Variants in RBM33 observed in about 807,000 individuals in gnomAD.
RBM33 encodes the protein RNA binding motif protein 33.
Under a neutral mutation model 132.6 loss-of-function variants are expected in RBM33, and 28 were observed. The observed-to-expected ratio is 0.21, with a 90% confidence interval of 0.16 to 0.29. RBM33 has a LOEUF of 0.29. Among genes scored for constraint, RBM33 ranks in the 10% least tolerant of loss-of-function variants. RBM33 has a pLI of 1.00. For synonymous variants in RBM33, 634 were observed against 593.0 expected, an observed-to-expected ratio of 1.07 and a Z score of -1.01; for missense variants, 1,291 against 1,518.5, an observed-to-expected ratio of 0.85 and a Z score of 2.49.
intron 13 of RBM33, among the ~76,000 whole-genome samples, chr7:155,743,060 T>A (rs1801401321): frequency 6.6e-6 from 1 of 152,240 alleles, no homozygotes; most frequent in African/African-American, 2.4e-5. Flanking sequence ...AGTTCATTTT[T>A]TTCAGTTAGA....
chr7:155,752,080 CT>C (rs1801703216), intron 14 of RBM33, among the ~76,000 whole-genome samples: 1 of 152,224 alleles, frequency 6.6e-6, no homozygotes, highest in Non-Finnish European at 1.5e-5. Flanking sequence ...GTGAGAGCCC[CT>C]TTAAACTGGT....
At chr7:155,681,628 A>C (rs937532127) in intron 5 of RBM33, among the ~76,000 whole-genome samples, 3 of 152,142 alleles carry the variant, frequency 2.0e-5, no homozygotes, top group Non-Finnish European at 4.4e-5. Context: ...TGATCTCAGT[A>C]GCTGTAGTAG....
chr7:155,644,875 C>G lies in RBM33; in HGVS notation c.-2C>G. The stretch of plus-strand genomic sequence containing the variant: ...GGCTGAAGGCCGGGCCCCGCGAGTG[C>G]CATGGCGGCCGCCCTGGGAGCGAGC... On this transcript the variant is annotated 5_prime_UTR_variant, in exon 1 of 18. Transcript: ENST00000401878. 6.7e-7 allele frequency: 1 copy of G among 1,492,910 alleles called. No individual in the cohort carries two copies. Among genetic ancestry groups the G allele is most frequent in the Middle Eastern group, 2.2e-4 (1 of 4,500 alleles). The allele number at this position is 1,492,910 out of a possible 1,614,324, so 92.5% of individuals were successfully genotyped here. A position where few individuals can be genotyped will look rare whatever the true frequency, so the allele number is the denominator to read the frequency against.
intron 7 of RBM33, 25 bp from the exon 8 acceptor site, chr7:155,711,178 T>C: frequency 6.7e-7 from 1 of 1,481,894 alleles, no homozygotes; most frequent in South Asian, 1.4e-5. Flanking sequence ...TGTAGACTCA[T>C]TCTCCAAGGT....
In RBM33 at chr7:155,680,758, T is replaced by C; in HGVS notation, c.417T>C (p.Thr139=). 6.2e-7 allele frequency: 1 copy of C among 1,613,698 alleles called. No homozygotes were observed. The highest frequency in any genetic ancestry group is 1.1e-5 in the South Asian group (1 of 91,036). ...YHKSDGSELY[T]QEYPEEGQYE... is the part of the protein sequence containing the mutation. The stretch of plus-strand genomic sequence containing the variant: ...AATCTGATGGATCAGAATTGTATAC[T>C]CAAGAGTACCCAGAAGAAGGACAGT... Residue 139 remains threonine (T), a synonymous_variant, in exon 5 of 18, where the codon ACT becomes ACC. Transcript: ENST00000401878.
chr7:155,766,708 A>T, intron 16 of RBM33, 53 bp downstream of exon 16: 20 of 1,537,694 alleles, frequency 1.3e-5, no homozygotes, highest in Non-Finnish European at 1.8e-5. Flanking sequence ...CCCAAGACAA[A>T]ATCATTTCTT....
rs1333047854 is a variant in RBM33 at position 155,745,070 on chromosome 7, C to T, written c.2447C>T (p.Ala816Val). Residue 816 changes from alanine to valine, a missense_variant, in exon 14 of 18, where the codon GCT becomes GTT. Around this residue, in one of 7 missense-constraint regions of RBM33, gnomAD observed 841 missense variants for 912.0 expected, o/e 0.92. Coordinates refer to ENST00000401878, the MANE Select transcript of RBM33 (RefSeq NM_053043.3). The surrounding 1 kb of genome is among the most constrained non-coding windows in gnomAD (Gnocchi z 4.1). ...KQKELRRQQQAGARKKELLER... is the reference protein window; with the variant it reads ...KQKELRRQQQVGARKKELLER... ...AAGGAGTTACGGCGGCAGCAGCAGG[C>T]TGGTGCCAGGAAGAAGGAGCTGCTG... The T allele has an allele frequency of 1.9e-6, 3 of 1,605,936 alleles. No homozygotes were observed. Among genetic ancestry groups the T allele is most frequent in the Non-Finnish European group, 2.6e-6 (3 of 1,176,020 alleles).
At chr7:155,748,609 C>T (rs1465069968) in intron 14 of RBM33, among the ~76,000 whole-genome samples, 2 of 152,140 alleles carry the variant, frequency 1.3e-5, no homozygotes, top group African/African-American at 2.4e-5. Context: ...AATAATTTAT[C>T]GTTGGGTTTT....
intron 16 of RBM33, among the ~76,000 whole-genome samples, chr7:155,768,090 C>T (rs1802284331): frequency 6.6e-6 from 1 of 152,240 alleles, no homozygotes; most frequent in Non-Finnish European, 1.5e-5. Context: ...CTGCACTTCC[C>T]TGTGGGCAGA....
At chr7:155,730,922 G>C (rs547202818) in intron 9 of RBM33, among the ~76,000 whole-genome samples, 2 of 152,336 alleles carry the variant, frequency 1.3e-5, no homozygotes, top group South Asian at 4.1e-4. Flanking sequence ...ATAGTGCTTA[G>C]AGACCTAAGA....
At chr7:155,760,996 A>G (rs1158455510) in intron 14 of RBM33, among the ~76,000 whole-genome samples, 1 of 152,218 alleles carries the variant, frequency 6.6e-6, no homozygotes, top group African/African-American at 2.4e-5. Flanking sequence ...TGATAATTCA[A>G]ATGGTAGAGT....
chr7:155,712,438 ATTAC>A (rs1800333590), intron 8 of RBM33, among the ~76,000 whole-genome samples: 1 of 152,234 alleles, frequency 6.6e-6, no homozygotes, highest in African/African-American at 2.4e-5. Context: ...CAACCATGAT[ATTAC>A]TTTCTATCAG....
chr7:155,741,923 G>A lies in RBM33; in HGVS notation c.2154G>A (p.Val718=), dbSNP rs1363043864. 1 of 1,613,884 alleles carries A rather than the reference G, an allele frequency of 6.2e-7. No homozygotes were observed. Among genetic ancestry groups the A allele is most frequent in the Non-Finnish European group, 8.5e-7 (1 of 1,179,896 alleles). The change falls in exon 13 of 18, where the codon GTG becomes GTA. Residue 718 remains valine (V), a synonymous_variant. Transcript: ENST00000401878. The part of the protein sequence containing the change: ...LRELPIAPSH[V]IEMSSSRCSA... The stretch of plus-strand genomic sequence containing the variant: ...AATTACCCATAGCGCCGTCACACGT[G>A]ATAGAAATGAGCAGCAGCCGCTGCT...
chr7:155,739,994 A>G lies in RBM33; in HGVS notation c.2017A>G (p.Met673Val), dbSNP rs1438410752. Reference sequence around the variant, plus strand: ...TCAGCCTCAGGCCAGCAGCAGCCGGATGCAGTGCCCCCAGCGCCAGGGGCT... The same window carrying G: ...TCAGCCTCAGGCCAGCAGCAGCCGGGTGCAGTGCCCCCAGCGCCAGGGGCT... ...TAQPQASSSR[M>V]QCPQRQGLRH... The change falls in exon 12 of 18, where the codon ATG becomes GTG. Residue 673 changes from methionine to valine, a missense_variant. Met to Val is a conservative substitution (Grantham distance 21, BLOSUM62 1). This residue lies in a region of RBM33 where 841 missense variants were observed against 912.0 expected (regional missense o/e 0.92). Coordinates refer to ENST00000401878, the MANE Select transcript of RBM33 (RefSeq NM_053043.3). 2.6e-6 allele frequency: 4 copies of G among 1,565,306 alleles called. No homozygotes were observed. Among genetic ancestry groups the G allele is most frequent in the Non-Finnish European group, 3.5e-6 (4 of 1,153,216 alleles).
intron 5 of RBM33, among the ~76,000 whole-genome samples, chr7:155,684,162 A>G (rs895225277): frequency 1.3e-5 from 2 of 152,142 alleles, no homozygotes; most frequent in Non-Finnish European, 2.9e-5. Context: ...TGAGACTGTC[A>G]TGTACCATAC....
chr7:155,721,338 CTT>C (rs1480892822), intron 9 of RBM33, among the ~76,000 whole-genome samples: 1 of 152,102 alleles, frequency 6.6e-6, no homozygotes, highest in Non-Finnish European at 1.5e-5. Context: ...TACCCAGAAA[CTT>C]AATATAGAGT....
chr7:155,741,863 G>A lies in RBM33; in HGVS notation c.2094G>A (p.Met698Ile). 4.3e-6 allele frequency: 7 copies of A among 1,613,928 alleles called. No homozygotes were observed. The highest frequency in any genetic ancestry group is 5.9e-6 in the Non-Finnish European group (7 of 1,179,816). ...QNVSKRPMQQ[M>I]QPTAPRNSNL... ...TAAGCAAGCGGCCCATGCAGCAAATGCAGCCCACTGCGCCAAGGAACAGCA... is the reference window on the plus strand; with the variant it reads ...TAAGCAAGCGGCCCATGCAGCAAATACAGCCCACTGCGCCAAGGAACAGCA... The change falls in exon 13 of 18, where the codon ATG becomes ATA. Residue 698 changes from methionine (M) to isoleucine (I), a missense_variant. By Grantham distance (10) the Met-to-Ile change is conservative (BLOSUM62 1). This residue lies in a region of RBM33 where 841 missense variants were observed against 912.0 expected (regional missense o/e 0.92). Transcript: ENST00000401878.
At chr7:155,752,852 C>T (rs534123620) in intron 14 of RBM33, among the ~76,000 whole-genome samples, 3 of 152,306 alleles carry the variant, frequency 2.0e-5, no homozygotes, top group South Asian at 4.1e-4. Flanking sequence ...GCCGCTCCCA[C>T]GCACACTGGT....
rs1404333297 is a variant in RBM33 at position 155,779,757 on chromosome 7, A to G, written c.*4716A>G. 1 of 152,132 alleles carries G rather than the reference A, an allele frequency of 6.6e-6. No homozygotes were observed. Among genetic ancestry groups the G allele is most frequent in the Non-Finnish European group, 1.5e-5 (1 of 68,024 alleles). The allele number at this position is 152,132 out of a possible 1,614,324, so 9.4% of individuals were successfully genotyped here. On this transcript the variant is annotated 3_prime_UTR_variant, in exon 18 of 18. Coordinates refer to ENST00000401878, the MANE Select transcript of RBM33 (RefSeq NM_053043.3). ...CTGCCTTGGCTAGAAAATGCTTTTA[A>G]TGTCTCAACTCTCTCTTTTCTGTGT...
Sources: allele counts gnomAD v4.1 joint callset (sites outside exome capture counted in the v4.1 genomes callset), GRCh38; gene constraint gnomAD v4.1.1; regional missense constraint gnomAD v4.1.1; non-coding constraint Gnocchi (gnomAD v3.1); transcripts MANE v1.5; gene names NCBI Gene and HGNC (gene_info 2026-07-23, HGNC 2026-07-21).